Variants in EPB42 observed in about 807,000 individuals in gnomAD.
The protein encoded by EPB42 is erythrocyte membrane protein band 4.2, also known as protein 4.2.
A neutral mutation model predicts 76.9 loss-of-function variants in EPB42; 49 were observed. That is an observed-to-expected ratio of 0.64 (90% CI 0.51 to 0.81). The LOEUF is 0.81. EPB42 is among the 30% of genes least tolerant of loss of function. The pLI is 0.00. For missense variants in EPB42, 731 were observed against 867.6 expected, an observed-to-expected ratio of 0.84 and a Z score of 1.98; for synonymous variants, 310 against 338.4, an observed-to-expected ratio of 0.92 and a Z score of 0.92.
intron 2 of EPB42, among the ~76,000 whole-genome samples, chr15:43,215,539 G>A (rs2042365413): frequency 6.6e-6 from 1 of 152,130 alleles, no homozygotes; most frequent in Non-Finnish European, 1.5e-5. Context: ...CTATAAAATG[G>A]GCATTGTAAT....
chr15:43,201,810 A>G (rs1294156234), intron 12 of EPB42, 34 bp downstream of exon 12: 7 of 1,614,130 alleles, frequency 4.3e-6, no homozygotes, highest in Non-Finnish European at 5.9e-6. Context: ...CCATTGAGAC[A>G]TTTCAGGGGG....
At position 43,208,400 on chromosome 15, in the gene EPB42, C is replaced by T. The variant is rs531356632; in HGVS notation, c.972-67G>A. 6 of 1,531,728 alleles carry T rather than the reference C, an allele frequency of 3.9e-6. No individual in the cohort carries two copies. In the African/African-American group the frequency reaches 5.4e-5, roughly 14 times the overall value. 94.9% of individuals were successfully genotyped at this position (1,531,728 alleles called of 1,614,324 possible). On this transcript the variant is annotated intron_variant, in intron 7 of 12. Coordinates refer to ENST00000441366, the MANE Select transcript of EPB42 (RefSeq NM_001114134.2). ...GAGTGCTGAAGAGGTTCTGGAAATG[C>T]AGCCTGGCAGAGCTGTTGTTGTTCC...
chr15:43,201,996 C>G lies in EPB42; in HGVS notation c.1780-19G>C. On this transcript the variant is annotated intron_variant, in intron 11 of 12. Transcript: ENST00000441366. ...CTGGCATCTGTGGGAAGAGGCAATA[C>G]CTGGTGTGGATGCCAAGGGCACAGC... 1 of 1,613,726 alleles carries G rather than the reference C, an allele frequency of 6.2e-7. No homozygotes were observed.
chr15:43,211,676 A>G, intron 3 of EPB42, 142 bp from the exon 4 acceptor site: 1 of 717,614 alleles, frequency 1.4e-6, no homozygotes, highest in Non-Finnish European at 2.5e-6. Context: ...CTGAGGAGGA[A>G]GTCCCTCTTT....
rs76014766 is a variant in EPB42 at position 43,208,961 on chromosome 15, C to G, written c.833-186G>C. On this transcript the variant is annotated intron_variant, in intron 6 of 12. Coordinates refer to ENST00000441366, the MANE Select transcript of EPB42 (RefSeq NM_001114134.2). ...CTGATCAATAAGGCACAGGTTCCAC[C>G]GCATGCGGGGCATATACCAGGGGAG... Among the ~76,000 whole-genome samples, 681 of 152,254 alleles carry G rather than the reference C, an allele frequency of 4.5e-3. 2 individuals carry two copies. Among genetic ancestry groups the G allele is most frequent in the Non-Finnish European group, 7.6e-3 (515 of 68,024 alleles).
intron 10 of EPB42, among the ~76,000 whole-genome samples, chr15:43,205,349 A>G (rs530045244): frequency 1.2e-4 from 18 of 152,334 alleles, no homozygotes; most frequent in East Asian, 1.9e-4. Context: ...TTGTCTGCAC[A>G]TCGGAATTAC....
At chr15:43,207,921 A>G (rs1567275919) in intron 8 of EPB42, among the ~76,000 whole-genome samples, 1 of 152,098 alleles carries the variant, frequency 6.6e-6, no homozygotes, top group Non-Finnish European at 1.5e-5. Flanking sequence ...CCTCTGCTGT[A>G]AGCCCCTGGC....
chr15:43,216,600 C>T (rs923317835), intron 1 of EPB42, 147 bp from the exon 2 acceptor site: 2 of 777,494 alleles, frequency 2.6e-6, no homozygotes, highest in Non-Finnish European at 4.2e-6. Context: ...GTAACTTAAC[C>T]ACCCTGAGCC....
rs2042276180 is a variant in EPB42, at chr15:43,210,410, C to A, written c.579G>T (p.Leu193=). The A allele has an allele frequency of 6.2e-7, 1 of 1,613,810 alleles. No individual in the cohort carries two copies. The highest frequency in any genetic ancestry group is 1.7e-5 in the Admixed American group (1 of 60,012). ...QFEGDVIDLS[L]RLLSKDKQVE... ...CCTGCTTGTCCTTGCTCAGCAAGCG[C>A]AGGCTGAGGTCAATGACATCCCCCT... Residue 193 remains leucine, a synonymous_variant, in exon 5 of 13, where the codon CTG becomes CTT. Transcript: ENST00000441366.
upstream of EPB42, among the ~76,000 whole-genome samples, chr15:43,224,563 A>G (rs541789200): frequency 6.7e-4 from 102 of 152,374 alleles, 2 homozygotes; most frequent in South Asian, 0.021. Flanking sequence ...TTATCATACA[A>G]ATGATCAAAC....
intron 3 of EPB42, among the ~76,000 whole-genome samples, chr15:43,212,003 G>A (rs1049891805): frequency 6.6e-6 from 1 of 152,086 alleles, no homozygotes; most frequent in Non-Finnish European, 1.5e-5. Flanking sequence ...GGAGTTTGAG[G>A]TTGCAATGAG....
chr15:43,218,165 C>T (rs1051642051), intron 1 of EPB42, among the ~76,000 whole-genome samples: 1 of 152,156 alleles, frequency 6.6e-6, no homozygotes, highest in Non-Finnish European at 1.5e-5. Context: ...CCTCTTTCTG[C>T]TTAGCACAAA....
In EPB42 at chr15:43,215,146, T is replaced by C; in HGVS notation, c.379A>G (p.Lys127Glu). ...GTGAACTGACCCAAGAGGAGTTGCT[T>C]CCTGCCTGAGACCTGCAGCAGAAGC... ...YSLLLQVSGR[K>E]QLLLGQFTLL... Residue 127 changes from lysine to glutamate, a missense_variant, in exon 3 of 13, where the codon AAG becomes GAG. Transcript: ENST00000441366. The C allele has an allele frequency of 6.2e-7, 1 of 1,614,198 alleles. No homozygotes were observed. Among genetic ancestry groups the C allele is most frequent in the Non-Finnish European group, 8.5e-7 (1 of 1,180,038 alleles).
chr15:43,210,576 T>C (rs2042279319), intron 4 of EPB42, 137 bp from the exon 5 acceptor site: 1 of 774,780 alleles, frequency 1.3e-6, no homozygotes, highest in African/African-American at 1.7e-5. Context: ...CACACCTGCC[T>C]CCCTTGCCTC....
At chr15:43,212,048 C>T (rs1165234496) in intron 3 of EPB42, among the ~76,000 whole-genome samples, 2 of 151,846 alleles carry the variant, frequency 1.3e-5, no homozygotes, top group African/African-American at 2.4e-5. Context: ...GCCTGGGTGA[C>T]AGAGTGAGAG....
Position 43,206,271 on chromosome 15 carries a change from G to A in EPB42, c.1618+59C>T. The A allele has an allele frequency of 6.5e-7, 1 of 1,532,212 alleles. No individual in the cohort carries two copies. Among genetic ancestry groups the A allele is most frequent in the Non-Finnish European group, 8.8e-7 (1 of 1,135,086 alleles). The allele number at this position is 1,532,212 out of a possible 1,614,324, so 94.9% of individuals were successfully genotyped here. On this transcript the variant is annotated intron_variant, in intron 10 of 12. Coordinates refer to ENST00000441366, the MANE Select transcript of EPB42 (RefSeq NM_001114134.2). The surrounding 1 kb of genome is among the most constrained non-coding windows in gnomAD (Gnocchi z 4.7). ...TGCCCTGTGGCTGCTGCCTGCCCAA[G>A]GCAGGGGCCATGTGTGTGTGTGTGT... is the stretch of plus-strand genomic sequence containing the variant.
chr15:43,200,673 G>T (rs866665835), intron 12 of EPB42, among the ~76,000 whole-genome samples: 2 of 152,140 alleles, frequency 1.3e-5, no homozygotes, highest in Non-Finnish European at 2.9e-5. Context: ...AGGAGGGGTA[G>T]GAATACAGAA....
chr15:43,210,206 T>A, intron 5 of EPB42, 129 bp downstream of exon 5: 1 of 828,946 alleles, frequency 1.2e-6, no homozygotes, highest in Non-Finnish European at 2.1e-6. Context: ...GTAGGAACTG[T>A]CCCCACACCC....
At chr15:43,214,430 AG>A (rs1345779285) in intron 3 of EPB42, among the ~76,000 whole-genome samples, 3 of 152,204 alleles carry the variant, frequency 2.0e-5, no homozygotes, top group East Asian at 3.9e-4. Flanking sequence ...ACCCTTGGGT[AG>A]GGGGGTCTGG....
Sources: allele counts gnomAD v4.1 joint callset (sites outside exome capture counted in the v4.1 genomes callset), GRCh38; gene constraint gnomAD v4.1.1; non-coding constraint Gnocchi (gnomAD v3.1); transcripts MANE v1.5; gene names NCBI Gene and HGNC (gene_info 2026-07-23, HGNC 2026-07-21).